The following GCNT2 variants were observed in gnomAD, a reference collection of about 807,000 sequenced individuals.
GCNT2 encodes the protein glucosaminyl (N-acetyl) transferase 2 (I blood group).
Under a neutral mutation model 34.2 loss-of-function variants are expected in GCNT2, and 34 were observed. That is an observed-to-expected ratio of 1.00 (90% CI 0.76 to 1.32). The LOEUF is 1.32. GCNT2 is among the 40% of genes most tolerant of loss of function. The pLI, the probability that GCNT2 is intolerant of heterozygous loss-of-function variation, is 0.00. For synonymous variants in GCNT2, 212 were observed against 188.0 expected (o/e 1.13, Z -1.04); for missense variants, 584 against 489.4 (o/e 1.19, Z -1.82).
chr6:10,593,782 A>G (rs1218375218), intron 3 of GCNT2, among the ~76,000 whole-genome samples: 1 of 152,188 alleles, frequency 6.6e-6, no homozygotes, highest in African/African-American at 2.4e-5. Flanking sequence ...CGACGTCTAA[A>G]TTATCTCTTG....
intron 3 of GCNT2, among the ~76,000 whole-genome samples, chr6:10,576,364 A>G (rs755117204): frequency 1.3e-5 from 2 of 152,188 alleles, no homozygotes; most frequent in Non-Finnish European, 2.9e-5. Flanking sequence ...ACAGCTTTAA[A>G]TACCTACTAC....
rs888798955 is a variant in GCNT2, at chr6:10,529,292, C to T, written c.381C>T (p.His127=). ...TGCCCCAAAATGTCTACTGTGTGCA[C>T]CTGGATCAGAAGGCGACGGATGCCT... ...IYMPQNVYCV[H]LDQKATDAFK... Residue 127 remains histidine (H), a synonymous_variant, in exon 3 of 5, where the codon CAC becomes CAT. Coordinates refer to ENST00000495262, the MANE Select transcript of GCNT2 (RefSeq NM_145649.5). The T allele has an allele frequency of 9.3e-6, 15 of 1,614,026 alleles. No individual in the cohort carries two copies. The African/African-American group carries it at 1.6e-4, about 17-fold the overall frequency.
At chr6:10,586,844 TCTA>T (rs1561820164) in intron 3 of GCNT2, 1 of 1,613,332 alleles carries the variant, frequency 6.2e-7, no homozygotes, top group African/African-American at 1.3e-5. Flanking sequence ...GGGCCATTGA[TCTA>T]CTACAATGGT....
In GCNT2 at chr6:10,528,637, G is replaced by A. The variant is rs1761314741; in HGVS notation, c.-275G>A. 2.0e-6 allele frequency: 1 copy of A among 507,308 alleles called. No individual in the cohort carries two copies. The highest frequency in any genetic ancestry group is 1.9e-5 in the African/African-American group (1 of 51,922). The allele number at this position is 507,308 out of a possible 1,614,324, so 31.4% of individuals were successfully genotyped here. On this transcript the variant is annotated 5_prime_UTR_variant, in exon 3 of 5. Transcript: ENST00000495262. ...GACATCTGTTTTTGTGTAGACACAG[G>A]TTGCAGGTTAGCAGGAGAACAGGCA...
intron 2 of GCNT2, among the ~76,000 whole-genome samples, chr6:10,527,986 G>T (rs978740786): frequency 6.6e-6 from 1 of 152,092 alleles, no homozygotes; most frequent in Non-Finnish European, 1.5e-5. Flanking sequence ...AGGGTTCTCT[G>T]TCTGCATCCT....
chr6:10,575,203 TC>T, intron 3 of GCNT2: 1 of 374,566 alleles, frequency 2.7e-6, no homozygotes, highest in Non-Finnish European at 5.2e-6. Context: ...TGGGTGCCTC[TC>T]CTCTTTTCCT....
At chr6:10,561,249 G>A (rs1271275749) in intron 3 of GCNT2, among the ~76,000 whole-genome samples, 1 of 151,998 alleles carries the variant, frequency 6.6e-6, no homozygotes, top group Non-Finnish European at 1.5e-5. Flanking sequence ...CGCAACCTCC[G>A]CCTCCTGGGT....
chr6:10,613,702 A>G (rs538945045), intron 3 of GCNT2, among the ~76,000 whole-genome samples: 3 of 152,324 alleles, frequency 2.0e-5, no homozygotes, highest in African/African-American at 7.2e-5. Flanking sequence ...GTTTTATGAA[A>G]CTTGTTTGCT....
chr6:10,579,304 T>C (rs916169176), intron 3 of GCNT2, among the ~76,000 whole-genome samples: 4 of 152,198 alleles, frequency 2.6e-5, no homozygotes, highest in African/African-American at 9.6e-5. Context: ...CCCACTATAT[T>C]AAATAAATAT....
At chr6:10,525,836 A>C (rs1761155289) in intron 1 of GCNT2, among the ~76,000 whole-genome samples, 1 of 152,210 alleles carries the variant, frequency 6.6e-6, no homozygotes, top group Non-Finnish European at 1.5e-5. Flanking sequence ...GTGAGTTGTA[A>C]ATTCGAAGAG....
chr6:10,584,322 T>A (rs775408288), intron 3 of GCNT2, among the ~76,000 whole-genome samples: 5 of 152,018 alleles, frequency 3.3e-5, no homozygotes, highest in Non-Finnish European at 7.4e-5. Flanking sequence ...CAGTAAAGAG[T>A]AGTATTGCTG....
At chr6:10,579,838 A>AAAAAAAAAAAAAAAAAAT (rs1763989542) in intron 3 of GCNT2, among the ~76,000 whole-genome samples, 1 of 149,678 alleles carries the variant, frequency 6.7e-6, no homozygotes, top group Non-Finnish European at 1.5e-5. Flanking sequence ...AAAAAAAAAA[A>AAAAAAAAAAAAAAAAAAT]AAAAAAAAAA....
At chr6:10,530,003 A>G (rs62397969) in intron 3 of GCNT2, 167 bp downstream of exon 3, 2 of 630,766 alleles carry the variant, frequency 3.2e-6, no homozygotes, top group Non-Finnish European at 5.6e-6. Flanking sequence ...GAGATGTGTT[A>G]TATCACCCAC....
chr6:10,558,561 G>GAA (rs1449524421), intron 3 of GCNT2, among the ~76,000 whole-genome samples: 14 of 152,164 alleles, frequency 9.2e-5, no homozygotes, highest in African/African-American at 3.1e-4. Context: ...TTCTTCTGAA[G>GAA]AAAACAGCGT....
At chr6:10,528,117 G>A (rs565517921) in intron 2 of GCNT2, among the ~76,000 whole-genome samples, 125 of 152,262 alleles carry the variant, frequency 8.2e-4, no homozygotes, top group African/African-American at 2.8e-3. Flanking sequence ...TTATTCATCC[G>A]AGTGCCACAG....
At chr6:10,616,176 C>G (rs1330382866) in intron 3 of GCNT2, among the ~76,000 whole-genome samples, 1 of 149,474 alleles carries the variant, frequency 6.7e-6, no homozygotes, top group African/African-American at 2.4e-5. Context: ...TAGACCTTTG[C>G]AGTGAGCGTT....
chr6:10,624,044 T>C (rs925620671), intron 4 of GCNT2, among the ~76,000 whole-genome samples: 8 of 151,990 alleles, frequency 5.3e-5, no homozygotes, highest in African/African-American at 1.4e-4. Flanking sequence ...TGGTGGGGAG[T>C]GTTGCGGAAC....
At chr6:10,612,425 A>G (rs781113575) in intron 3 of GCNT2, among the ~76,000 whole-genome samples, 3 of 152,156 alleles carry the variant, frequency 2.0e-5, no homozygotes, top group Non-Finnish European at 4.4e-5. Context: ...TCTAGTGGGA[A>G]GAGACTGGGA....
chr6:10,534,079 C>T (rs1223087951), intron 3 of GCNT2, among the ~76,000 whole-genome samples: 3 of 150,488 alleles, frequency 2.0e-5, no homozygotes, highest in Non-Finnish European at 4.4e-5. Flanking sequence ...TTATGGGCTC[C>T]TCCACCCTGT....
Sources: allele counts gnomAD v4.1 joint callset (sites outside exome capture counted in the v4.1 genomes callset), GRCh38; gene constraint gnomAD v4.1.1; transcripts MANE v1.5; gene names NCBI Gene and HGNC (gene_info 2026-07-23, HGNC 2026-07-21).